TMPRSS12: variants seen among roughly 807,000 people sequenced by gnomAD.
The protein encoded by TMPRSS12 is transmembrane serine protease 12.
A neutral mutation model predicts 26.0 loss-of-function variants in TMPRSS12; 25 were observed. That is an observed-to-expected ratio of 0.96 (90% CI 0.70 to 1.34). The LOEUF is 1.34. Among genes scored for constraint, TMPRSS12 ranks in the 40% most tolerant of loss-of-function variants. The pLI, the probability that TMPRSS12 is intolerant of heterozygous loss-of-function variation, is 0.00. For synonymous variants in TMPRSS12, 150 were observed against 161.7 expected, an observed-to-expected ratio of 0.93 and a Z score of 0.55; for missense variants, 441 against 440.1, an observed-to-expected ratio of 1.00 and a Z score of -0.02.
At chr12:50,868,663 C>T (rs1220346417) in intron 3 of TMPRSS12, among the ~76,000 whole-genome samples, 2 of 152,128 alleles carry the variant, frequency 1.3e-5, no homozygotes, top group African/African-American at 4.8e-5. Context: ...CAGATATATA[C>T]AGAACATTGC....
At chr12:50,858,204 C>CA (rs1268677998) in intron 2 of TMPRSS12, among the ~76,000 whole-genome samples, 1 of 152,138 alleles carries the variant, frequency 6.6e-6, no homozygotes, top group South Asian at 2.1e-4. Flanking sequence ...CAGTAAGTTT[C>CA]AAAAAAATTA....
Position 50,844,581 on chromosome 12 carries a change from G to A in TMPRSS12, c.383+544G>A, listed in dbSNP as rs367760527. Among the ~76,000 whole-genome samples, 442 of 152,062 alleles carry A rather than the reference G, an allele frequency of 2.9e-3. 3 individuals carry two copies. The highest frequency in any genetic ancestry group is 0.01 in the African/African-American group (415 of 41,448). Reference sequence around the variant, plus strand: ...TAGAAAAGGGGGTTTCACCATGTTGGCCAGGCTGGTCTTGAACTCTTAACC... The same window carrying A: ...TAGAAAAGGGGGTTTCACCATGTTGACCAGGCTGGTCTTGAACTCTTAACC... On this transcript the variant is annotated intron_variant, in intron 2 of 4. Transcript: ENST00000398458.
chr12:50,872,101 A>C (rs796932841), intron 3 of TMPRSS12, among the ~76,000 whole-genome samples: 4 of 152,340 alleles, frequency 2.6e-5, no homozygotes, highest in African/African-American at 9.6e-5. Flanking sequence ...GTATCTACCC[A>C]GAAGAAAAGA....
chr12:50,884,794 C>T (rs530226165), intron 3 of TMPRSS12, among the ~76,000 whole-genome samples: 77 of 151,960 alleles, frequency 5.1e-4, no homozygotes, highest in African/African-American at 1.8e-3. Context: ...ATTGCTTGAA[C>T]CTGGGAGGCA....
intron 3 of TMPRSS12, among the ~76,000 whole-genome samples, chr12:50,880,264 TGTA>T (rs1272856550): frequency 6.6e-6 from 1 of 152,164 alleles, no homozygotes; most frequent in Non-Finnish European, 1.5e-5. Context: ...GGTACATGCC[TGTA>T]GTCCCAGCTA....
chr12:50,865,372 A>G (rs1450269128), intron 3 of TMPRSS12, among the ~76,000 whole-genome samples: 1 of 152,208 alleles, frequency 6.6e-6, no homozygotes, highest in Admixed American at 6.5e-5. Flanking sequence ...ACTAGATATC[A>G]TATTAGACAC....
intron 2 of TMPRSS12, among the ~76,000 whole-genome samples, chr12:50,857,702 T>C (rs996446183): frequency 1.1e-4 from 17 of 152,238 alleles, no homozygotes; most frequent in African/African-American, 4.1e-4. Flanking sequence ...AGTTGCTTCT[T>C]GTTTTTACCT....
chr12:50,872,953 GTA>G (rs71669471), intron 3 of TMPRSS12, among the ~76,000 whole-genome samples: 248 of 138,072 alleles, frequency 1.8e-3, no homozygotes, highest in African/African-American at 7.1e-3. Flanking sequence ...TATATATGAC[GTA>G]TATATATGTA....
At chr12:50,847,293 G>A (rs1007659260) in intron 2 of TMPRSS12, among the ~76,000 whole-genome samples, 5 of 151,706 alleles carry the variant, frequency 3.3e-5, no homozygotes, top group African/African-American at 9.7e-5. Flanking sequence ...TCCTGACCTC[G>A]TGATCCGCCC....
chr12:50,885,487 G>C (rs754300373), intron 4 of TMPRSS12, 99 bp downstream of exon 4: 2 of 1,336,564 alleles, frequency 1.5e-6, no homozygotes, highest in Non-Finnish European at 1.1e-6. Context: ...TAATTATCAG[G>C]CCTAAAAATA....
intron 2 of TMPRSS12, among the ~76,000 whole-genome samples, chr12:50,846,243 T>C (rs1937765627): frequency 6.6e-6 from 1 of 152,182 alleles, no homozygotes; most frequent in South Asian, 2.1e-4. Flanking sequence ...TTTTCCCCTA[T>C]GTTTTCTTCT....
chr12:50,865,560 C>T (rs754953729), intron 3 of TMPRSS12, among the ~76,000 whole-genome samples: 4 of 151,918 alleles, frequency 2.6e-5, no homozygotes, highest in Non-Finnish European at 5.9e-5. Flanking sequence ...AGAGGAGAGG[C>T]AATATTCAAT....
intron 3 of TMPRSS12, among the ~76,000 whole-genome samples, chr12:50,872,887 G>GTAA (rs1555206508): frequency 1.5e-5 from 1 of 68,444 alleles, no homozygotes; most frequent in Non-Finnish European, 2.7e-5. Context: ...TATATATGAC[G>GTAA]TATATATGTA....
chr12:50,880,013 A>G (rs1346956856), intron 3 of TMPRSS12, among the ~76,000 whole-genome samples: 1 of 152,198 alleles, frequency 6.6e-6, no homozygotes, highest in East Asian at 1.9e-4. Flanking sequence ...ATTTGAAAAG[A>G]TAAGTCACCA....
chr12:50,858,719 G>A, intron 2 of TMPRSS12, 66 bp from the exon 3 acceptor site: 1 of 1,218,658 alleles, frequency 8.2e-7, no homozygotes, highest in Non-Finnish European at 1.1e-6. Context: ...AAAACTAGTG[G>A]GAGATTAAGA....
intron 2 of TMPRSS12, among the ~76,000 whole-genome samples, chr12:50,857,143 C>T (rs1391892043): frequency 3.3e-5 from 5 of 152,062 alleles, no homozygotes; most frequent in Non-Finnish European, 7.4e-5. Context: ...ATATAACAGG[C>T]TTATATAGCT....
At chr12:50,848,545 C>T (rs914239012) in intron 2 of TMPRSS12, among the ~76,000 whole-genome samples, 1 of 152,182 alleles carries the variant, frequency 6.6e-6, no homozygotes, top group Non-Finnish European at 1.5e-5. Flanking sequence ...CACTGAATGG[C>T]TTCCTTATAA....
At chr12:50,851,706 A>C (rs998446295) in intron 2 of TMPRSS12, among the ~76,000 whole-genome samples, 5 of 152,194 alleles carry the variant, frequency 3.3e-5, no homozygotes. Flanking sequence ...GCCCTGTGAA[A>C]TATTATACAA....
chr12:50,869,371 C>T (rs1286672151), intron 3 of TMPRSS12, among the ~76,000 whole-genome samples: 2 of 152,086 alleles, frequency 1.3e-5, no homozygotes, highest in Admixed American at 1.3e-4. Flanking sequence ...ACTATGAACA[C>T]CTTTATGCAC....
Sources: allele counts gnomAD v4.1 joint callset (sites outside exome capture counted in the v4.1 genomes callset), GRCh38; gene constraint gnomAD v4.1.1; transcripts MANE v1.5; gene names NCBI Gene and HGNC (gene_info 2026-07-23, HGNC 2026-07-21).